The following ZBTB20 variants were observed in gnomAD, a reference collection of about 807,000 sequenced individuals.
The protein encoded by ZBTB20 is zinc finger and BTB domain-containing protein 20.
In ZBTB20, 9 loss-of-function variants were observed where a neutral mutation model predicts 56.9. The observed-to-expected ratio is 0.16, with a 90% confidence interval of 0.10 to 0.28. ZBTB20 has a LOEUF of 0.28. Ranked by LOEUF, ZBTB20 falls within the 10% of genes least tolerant of loss-of-function variation. The pLI, the probability that ZBTB20 is intolerant of heterozygous loss-of-function variation, is 1.00. For synonymous variants in ZBTB20, 417 were observed against 420.7 expected, an observed-to-expected ratio of 0.99 and a Z score of 0.11; for missense variants, 655 against 1,003.0, an observed-to-expected ratio of 0.65 and a Z score of 4.69.
At chr3:115,063,173 T>A (rs1331259316) in intron 2 of ZBTB20, among the ~76,000 whole-genome samples, 2 of 152,192 alleles carry the variant, frequency 1.3e-5, no homozygotes, top group Admixed American at 1.3e-4. Flanking sequence ...CAAAAATATA[T>A]ACACTTCATC....
intron 1 of ZBTB20, among the ~76,000 whole-genome samples, chr3:115,091,326 A>C (rs1464606241): frequency 6.6e-6 from 1 of 151,960 alleles, no homozygotes; most frequent in East Asian, 1.9e-4. Context: ...AGCTAGAATA[A>C]TACTAACATT....
chr3:114,664,334 T>G (rs1227676708), intron 6 of ZBTB20, among the ~76,000 whole-genome samples: 2 of 151,900 alleles, frequency 1.3e-5, no homozygotes, highest in African/African-American at 2.4e-5. Flanking sequence ...AGACAGAACA[T>G]TAGGATTAAT....
intron 6 of ZBTB20, among the ~76,000 whole-genome samples, chr3:114,539,638 C>A (rs1038150611): frequency 1.3e-5 from 2 of 152,070 alleles, no homozygotes; most frequent in Non-Finnish European, 2.9e-5. Context: ...TACATACTTA[C>A]TGCTTTTCAA....
chr3:114,822,429 T>C (rs1387978716), intron 4 of ZBTB20, among the ~76,000 whole-genome samples: 2 of 152,048 alleles, frequency 1.3e-5, no homozygotes, highest in African/African-American at 2.4e-5. Flanking sequence ...TGAGGGCATA[T>C]GAAACAAACA....
chr3:114,992,030 C>CT (rs901438840), intron 2 of ZBTB20, among the ~76,000 whole-genome samples: 4 of 151,238 alleles, frequency 2.6e-5, no homozygotes, highest in East Asian at 1.9e-4. Flanking sequence ...CTCTCCTAAA[C>CT]TTTTTTTTTG....
At chr3:114,832,030 C>T (rs550365342) in intron 4 of ZBTB20, among the ~76,000 whole-genome samples, 12 of 152,096 alleles carry the variant, frequency 7.9e-5, no homozygotes, top group Admixed American at 2.6e-4. Context: ...ATTGTTTTCA[C>T]GAAACAGAAT....
intron 4 of ZBTB20, among the ~76,000 whole-genome samples, chr3:114,840,993 G>A (rs150867645): frequency 1.3e-5 from 2 of 152,238 alleles, no homozygotes; most frequent in African/African-American, 2.4e-5. Flanking sequence ...AATATCATTT[G>A]TAGCTATTGT....
intron 6 of ZBTB20, among the ~76,000 whole-genome samples, chr3:114,511,329 C>G (rs1005006643): frequency 6.6e-6 from 1 of 152,100 alleles, no homozygotes; most frequent in African/African-American, 2.4e-5. Flanking sequence ...AGTCTGTCAT[C>G]TCTGTAAGTG....
At chr3:114,387,347 C>A (rs138991948) in intron 8 of ZBTB20, 18 of 152,242 alleles carry the variant, frequency 1.2e-4, no homozygotes, top group Non-Finnish European at 2.6e-4. Flanking sequence ...TATTATTTCT[C>A]TTTTATGCAT....
At chr3:114,657,299 A>G (rs925679369) in intron 6 of ZBTB20, among the ~76,000 whole-genome samples, 1 of 152,170 alleles carries the variant, frequency 6.6e-6, no homozygotes, top group Non-Finnish European at 1.5e-5. Context: ...CTTAGTTCTT[A>G]GCTATCATCT....
chr3:114,749,577 A>G (rs1413673760), intron 5 of ZBTB20, among the ~76,000 whole-genome samples: 1 of 97,812 alleles, frequency 1.0e-5, no homozygotes, highest in Non-Finnish European at 2.2e-5. Flanking sequence ...AAAAGGAAGG[A>G]AGGAAGGAAG....
At chr3:114,705,808 T>C (rs750041897) in intron 5 of ZBTB20, among the ~76,000 whole-genome samples, 57 of 152,200 alleles carry the variant, frequency 3.7e-4, no homozygotes, top group South Asian at 1.0e-3. Context: ...GGAGATGTCA[T>C]GTGGATTTGT....
intron 1 of ZBTB20, among the ~76,000 whole-genome samples, chr3:115,108,003 G>C (rs1281890601): frequency 4.6e-5 from 7 of 152,146 alleles, no homozygotes; most frequent in Admixed American, 1.3e-4. Context: ...GGGGGTGAGA[G>C]GAGGGAGAGC....
intron 5 of ZBTB20, among the ~76,000 whole-genome samples, chr3:114,703,782 T>C (rs771992683): frequency 4.9e-4 from 75 of 152,318 alleles, no homozygotes; most frequent in Non-Finnish European, 9.1e-4. Flanking sequence ...TAGCCTGAGA[T>C]ATCTCCTTTA....
At chr3:114,491,618 CTT>C (rs970407792) in intron 7 of ZBTB20, among the ~76,000 whole-genome samples, 5 of 152,148 alleles carry the variant, frequency 3.3e-5, no homozygotes, top group African/African-American at 1.2e-4. Flanking sequence ...TCTCTCTGGC[CTT>C]ATCAGTAATC....
chr3:114,815,593 G>T (rs543725602), intron 4 of ZBTB20, among the ~76,000 whole-genome samples: 1 of 152,114 alleles, frequency 6.6e-6, no homozygotes, highest in Admixed American at 6.6e-5. Context: ...AATTAATTTA[G>T]TAATTGATCA....
chr3:114,794,278 T>A (rs1038618754), intron 5 of ZBTB20, among the ~76,000 whole-genome samples: 18 of 152,064 alleles, frequency 1.2e-4, no homozygotes, highest in Non-Finnish European at 2.2e-4. Context: ...TAATATATAT[T>A]GTTCAGATTT....
intron 6 of ZBTB20, among the ~76,000 whole-genome samples, chr3:114,548,365 T>C (rs1246882780): frequency 1.3e-5 from 2 of 152,158 alleles, no homozygotes; most frequent in African/African-American, 4.8e-5. Context: ...TTTTACATTA[T>C]CTCATTTCTC....
chr3:114,619,713 T>C (rs926705973), intron 6 of ZBTB20, among the ~76,000 whole-genome samples: 2 of 152,194 alleles, frequency 1.3e-5, no homozygotes, highest in Non-Finnish European at 2.9e-5. Flanking sequence ...TTCCACCTAT[T>C]TCTCTACTCA....
Sources: allele counts gnomAD v4.1 joint callset (sites outside exome capture counted in the v4.1 genomes callset), GRCh38; gene constraint gnomAD v4.1.1; transcripts MANE v1.5; gene names NCBI Gene and HGNC (gene_info 2026-07-23, HGNC 2026-07-21).